Variants in HS3ST3A1 observed in about 807,000 individuals in gnomAD.
The protein encoded by HS3ST3A1 is heparan sulfate-glucosamine 3-sulfotransferase 3A1, also known as heparan sulfate glucosamine 3-O-sulfotransferase 3A1.
In HS3ST3A1, 19 loss-of-function variants were observed where a neutral mutation model predicts 25.7. The ratio of observed to expected loss-of-function variants is 0.74; its 90% CI spans 0.52 to 1.08. The LOEUF (loss-of-function observed/expected upper bound fraction) is 1.08, where lower values mean the gene tolerates loss of function less well. Among genes scored for constraint, HS3ST3A1 ranks in the 50% least tolerant of loss-of-function variants. The pLI is 0.00. For missense variants in HS3ST3A1, 459 were observed against 594.3 expected (o/e 0.77, Z 2.37); for synonymous variants, 226 against 278.6 (o/e 0.81, Z 1.88).
chr17:13,536,401 A>G (rs1472150509), intron 1 of HS3ST3A1, among the ~76,000 whole-genome samples: 6 of 152,174 alleles, frequency 3.9e-5, no homozygotes, highest in Admixed American at 3.9e-4. Flanking sequence ...CTTTGTTAAT[A>G]TAAGTTTTCT....
At chr17:13,530,005 T>TACACAC (rs3220827) in intron 1 of HS3ST3A1, among the ~76,000 whole-genome samples, 23,278 of 149,036 alleles carry the variant, frequency 0.16, 1,882 homozygotes, top group Middle Eastern at 0.2. Context: ...TTTATGTAAC[T>TACACAC]ACACACACAC....
At chr17:13,593,261 G>A (rs1052530703) in intron 1 of HS3ST3A1, among the ~76,000 whole-genome samples, 1 of 117,348 alleles carries the variant, frequency 8.5e-6, no homozygotes, top group African/African-American at 3.1e-5. Flanking sequence ...AAAGTCATAC[G>A]CCCAAGTCTG....
At chr17:13,512,321 A>AAAAAAAAAAAAAAAAAAAAAAC (rs1395357582) in intron 1 of HS3ST3A1, among the ~76,000 whole-genome samples, 3 of 144,674 alleles carry the variant, frequency 2.1e-5, no homozygotes, top group Non-Finnish European at 3.0e-5. Flanking sequence ...AAAAAAAAAA[A>AAAAAAAAAAAAAAAAAAAAAAC]AAAAAACTGC....
chr17:13,587,346 C>T (rs545789874), intron 1 of HS3ST3A1, among the ~76,000 whole-genome samples: 165 of 151,856 alleles, frequency 1.1e-3, no homozygotes, highest in African/African-American at 3.8e-3. Context: ...CCCAGCTACT[C>T]GGGAGGCCGA....
chr17:13,520,493 A>G (rs1598412301), intron 1 of HS3ST3A1, among the ~76,000 whole-genome samples: 1 of 152,178 alleles, frequency 6.6e-6, no homozygotes, highest in Admixed American at 6.5e-5. Flanking sequence ...AAAATCTAGG[A>G]CCCTATTCTG....
At chr17:13,528,827 G>A (rs1906515814) in intron 1 of HS3ST3A1, among the ~76,000 whole-genome samples, 1 of 151,738 alleles carries the variant, frequency 6.6e-6, no homozygotes, top group South Asian at 2.1e-4. Context: ...AAGAAAATAG[G>A]CATTTCAAGC....
At chr17:13,532,033 T>C (rs1906620649) in intron 1 of HS3ST3A1, among the ~76,000 whole-genome samples, 1 of 152,184 alleles carries the variant, frequency 6.6e-6, no homozygotes, top group Admixed American at 6.5e-5. Flanking sequence ...AGATGAATGA[T>C]CAGAGGCCAG....
chr17:13,504,187 C>T (rs1438095687), intron 1 of HS3ST3A1, among the ~76,000 whole-genome samples: 1 of 152,098 alleles, frequency 6.6e-6, no homozygotes. Flanking sequence ...GTGGCGGGCA[C>T]CTGTTACAAG....
At chr17:13,558,564 G>C (rs1907441611) in intron 1 of HS3ST3A1, among the ~76,000 whole-genome samples, 1 of 152,172 alleles carries the variant, frequency 6.6e-6, no homozygotes. Context: ...GGAAGGCAGA[G>C]GGTGGAATCT....
At chr17:13,502,920 C>T (rs934900249) in intron 1 of HS3ST3A1, among the ~76,000 whole-genome samples, 2 of 151,142 alleles carry the variant, frequency 1.3e-5, no homozygotes. Context: ...GTGGCTCACG[C>T]CTATAATCCC....
intron 1 of HS3ST3A1, among the ~76,000 whole-genome samples, chr17:13,533,530 T>TTTTTTTTTTTTTTTTTTTTGTG (rs1195309406): frequency 6.7e-6 from 1 of 149,638 alleles, no homozygotes; most frequent in Non-Finnish European, 1.5e-5. Flanking sequence ...TACTAATTTT[T>TTTTTTTTTTTTTTTTTTTTGTG]AAGGCAACTC....
intron 1 of HS3ST3A1, among the ~76,000 whole-genome samples, chr17:13,525,536 T>C (rs954335374): frequency 1.3e-5 from 2 of 152,216 alleles, no homozygotes; most frequent in African/African-American, 4.8e-5. Flanking sequence ...TTCATTACTT[T>C]TGCATGATAC....
chr17:13,531,763 G>A (rs937348468), intron 1 of HS3ST3A1, among the ~76,000 whole-genome samples: 4 of 152,152 alleles, frequency 2.6e-5, no homozygotes, highest in Middle Eastern at 3.4e-3. Flanking sequence ...CACATTAAGC[G>A]AATCAGTCTG....
At chr17:13,499,032 G>A (rs1353588470) in intron 1 of HS3ST3A1, among the ~76,000 whole-genome samples, 3 of 151,482 alleles carry the variant, frequency 2.0e-5, no homozygotes, top group Non-Finnish European at 2.9e-5. Context: ...CTGTTTCTGA[G>A]CTTTTAATTT....
intron 1 of HS3ST3A1, among the ~76,000 whole-genome samples, chr17:13,522,711 G>A (rs1906285992): frequency 6.6e-6 from 1 of 152,064 alleles, no homozygotes; most frequent in Non-Finnish European, 1.5e-5. Flanking sequence ...GGCATTTGCT[G>A]TCAGTTGGGG....
At chr17:13,532,893 GTATA>G (rs1304226376) in intron 1 of HS3ST3A1, among the ~76,000 whole-genome samples, 1 of 110,260 alleles carries the variant, frequency 9.1e-6, no homozygotes, top group African/African-American at 4.0e-5. Flanking sequence ...GTGTGTGTGT[GTATA>G]TGTTTATATA....
intron 1 of HS3ST3A1, among the ~76,000 whole-genome samples, chr17:13,503,931 C>T (rs1905573109): frequency 6.6e-6 from 1 of 152,130 alleles, no homozygotes; most frequent in South Asian, 2.1e-4. Flanking sequence ...CCTAATAGTC[C>T]CCAATTCAAG....
intron 1 of HS3ST3A1, among the ~76,000 whole-genome samples, chr17:13,564,543 C>T (rs1449579536): frequency 1.3e-5 from 2 of 151,962 alleles, no homozygotes; most frequent in African/African-American, 4.8e-5. Flanking sequence ...ACTTGTAATA[C>T]CTAACAGAAT....
At chr17:13,590,076 G>C (rs1451024495) in intron 1 of HS3ST3A1, among the ~76,000 whole-genome samples, 2 of 151,968 alleles carry the variant, frequency 1.3e-5, no homozygotes, top group African/African-American at 2.4e-5. Flanking sequence ...CTGAACACTC[G>C]AGAGAGAAAA....
Sources: allele counts gnomAD v4.1 joint callset (sites outside exome capture counted in the v4.1 genomes callset), GRCh38; gene constraint gnomAD v4.1.1; transcripts MANE v1.5; gene names NCBI Gene and HGNC (gene_info 2026-07-23, HGNC 2026-07-21).